Variants in RPSA2 observed in about 807,000 individuals in gnomAD.
The protein encoded by RPSA2 is small ribosomal subunit protein uS2B.
chr19:23,777,141 G>A, the RPSA2 span, among the ~76,000 whole-genome samples: 16 of 151,892 alleles, frequency 1.1e-4, no homozygotes, highest in Non-Finnish European at 2.4e-4. Flanking sequence ...TTCACAAGGG[G>A]CATTGTGACA....
the RPSA2 span, among the ~76,000 whole-genome samples, chr19:23,770,620 G>C: frequency 2.6e-5 from 4 of 152,146 alleles, no homozygotes; most frequent in East Asian, 3.9e-4. Context: ...CCTGCACCCT[G>C]ACCACTGGGA....
the RPSA2 span, among the ~76,000 whole-genome samples, chr19:23,854,245 C>A: frequency 1.3e-5 from 2 of 152,182 alleles, no homozygotes; most frequent in African/African-American, 4.8e-5. Flanking sequence ...CCCTACCTAA[C>A]ACCAGGCCCA....
At chr19:23,758,838 AGAG>A in the RPSA2 span, 6 of 1,578,600 alleles carry the variant, frequency 3.8e-6, no homozygotes, top group African/African-American at 5.4e-5. Flanking sequence ...CTCTAGAAGA[AGAG>A]GACACAGAGC....
the RPSA2 span, among the ~76,000 whole-genome samples, chr19:23,821,115 C>T: frequency 6.6e-6 from 1 of 152,336 alleles, no homozygotes; most frequent in East Asian, 1.9e-4. Context: ...TTGATACCAA[C>T]TCATTATTGG....
At chr19:23,834,307 ATTAC>A in the RPSA2 span, among the ~76,000 whole-genome samples, 1 of 100,844 alleles carries the variant, frequency 9.9e-6, no homozygotes, top group Non-Finnish European at 2.0e-5. Context: ...AAACTCTTAA[ATTAC>A]TTCATGCTCT....
chr19:23,810,437 T>A, the RPSA2 span, among the ~76,000 whole-genome samples: 4 of 6,142 alleles, frequency 6.5e-4, 2 homozygotes, highest in Admixed American at 8.3e-3. Flanking sequence ...AGGGCTTGGA[T>A]AGTTGTAGTT....
chr19:23,776,307 C>G, the RPSA2 span, among the ~76,000 whole-genome samples: 2 of 152,158 alleles, frequency 1.3e-5, no homozygotes, highest in African/African-American at 4.8e-5. Context: ...TGATGTGACC[C>G]CATTGTCTTG....
chr19:23,761,173 A>AACCTCCAGTGATCCTTCT, the RPSA2 span, among the ~76,000 whole-genome samples: 11 of 151,548 alleles, frequency 7.3e-5, no homozygotes, highest in African/African-American at 2.7e-4. Context: ...CTGCAGCCTC[A>AACCTCCAGTGATCCTTCT]ACCTCCAGTG....
the RPSA2 span, among the ~76,000 whole-genome samples, chr19:23,800,179 C>A: frequency 2.0e-5 from 3 of 149,456 alleles, no homozygotes; most frequent in Non-Finnish European, 4.4e-5. Context: ...CAGGCACATG[C>A]CACTATGCCC....
At chr19:23,826,138 T>C in the RPSA2 span, among the ~76,000 whole-genome samples, 1 of 151,988 alleles carries the variant, frequency 6.6e-6, no homozygotes, top group Non-Finnish European at 1.5e-5. Context: ...CTTGCAAAGC[T>C]AAATCTTAAC....
At chr19:23,801,112 A>G in the RPSA2 span, among the ~76,000 whole-genome samples, 26 of 152,354 alleles carry the variant, frequency 1.7e-4, no homozygotes, top group Admixed American at 5.2e-4. Context: ...TCACAATTGC[A>G]GGTAACACCT....
At chr19:23,787,881 A>G in the RPSA2 span, among the ~76,000 whole-genome samples, 1 of 152,192 alleles carries the variant, frequency 6.6e-6, no homozygotes, top group South Asian at 2.1e-4. Context: ...CTGCCCATAG[A>G]TGATATGAGT....
chr19:23,794,168 G>T, the RPSA2 span, among the ~76,000 whole-genome samples: 1 of 152,112 alleles, frequency 6.6e-6, no homozygotes, highest in Non-Finnish European at 1.5e-5. Context: ...ACACGCTTGT[G>T]CATGCATCTT....
chr19:23,789,023 CT>C, the RPSA2 span, among the ~76,000 whole-genome samples: 1 of 129,424 alleles, frequency 7.7e-6, no homozygotes, highest in African/African-American at 2.9e-5. Flanking sequence ...TTCTTTCTTT[CT>C]TTTTTTTTTT....
the RPSA2 span, among the ~76,000 whole-genome samples, chr19:23,817,344 T>C: frequency 6.6e-6 from 1 of 152,208 alleles, no homozygotes; most frequent in African/African-American, 2.4e-5. Flanking sequence ...ATTGTGCCAT[T>C]GCACTCCAGC....
At chr19:23,845,638 C>T in the RPSA2 span, among the ~76,000 whole-genome samples, 10 of 152,284 alleles carry the variant, frequency 6.6e-5, no homozygotes, top group South Asian at 4.1e-4. Flanking sequence ...ATCATAGGTG[C>T]GCAGCACCAC....
chr19:23,824,124 G>A, the RPSA2 span, among the ~76,000 whole-genome samples: 3 of 152,206 alleles, frequency 2.0e-5, no homozygotes, highest in Non-Finnish European at 4.4e-5. Context: ...GTGGCACAAG[G>A]CTCCTGGTGC....
At chr19:23,812,165 A>T in the RPSA2 span, among the ~76,000 whole-genome samples, 1 of 152,064 alleles carries the variant, frequency 6.6e-6, no homozygotes, top group African/African-American at 2.4e-5. Context: ...TAAATTTCTT[A>T]ATATCAGTTT....
chr19:23,787,058 A>G, the RPSA2 span, among the ~76,000 whole-genome samples: 1 of 151,786 alleles, frequency 6.6e-6, no homozygotes, highest in East Asian at 1.9e-4. Context: ...TGTGGGTCTC[A>G]TCTTCTGCCT....
Sources: gnomAD v4.1 joint callset for allele counts (sites outside exome capture counted in the v4.1 genomes callset) on GRCh38, gnomAD v4.1.1 for gene constraint, MANE v1.5 for transcripts, NCBI Gene and HGNC (gene_info 2026-07-23, HGNC 2026-07-21) for gene names.